SERPINB8: variants seen among roughly 807,000 people sequenced by gnomAD.
The protein encoded by SERPINB8 is serpin family B member 8, also known as serpin B8.
A neutral mutation model predicts 35.3 loss-of-function variants in SERPINB8; 25 were observed. That is an observed-to-expected ratio of 0.71 (90% CI 0.52 to 0.99). SERPINB8 has a LOEUF of 0.99. SERPINB8 is among the 50% of genes least tolerant of loss of function. The pLI, the probability that SERPINB8 is intolerant of heterozygous loss-of-function variation, is 0.00. For missense variants in SERPINB8, 484 were observed against 446.5 expected (o/e 1.08, Z -0.76); for synonymous variants, 186 against 160.8 (o/e 1.16, Z -1.19).
rs184658736 is a variant in SERPINB8, at chr18:63,981,685, C to T, written c.307-36C>T. 7.7e-6 allele frequency: 11 copies of T among 1,422,184 alleles called. No individual in the cohort carries two copies. The African/African-American group carries it at 1.3e-4, about 17-fold the overall frequency. 88.1% of individuals were successfully genotyped at this position (1,422,184 alleles called of 1,614,324 possible). Reference sequence around the variant, plus strand: ...GCTTTTGCATTTGTGGGAACCTTTACCAAATGAGACTAAACTCAGTGTTTT... The same window carrying T: ...GCTTTTGCATTTGTGGGAACCTTTATCAAATGAGACTAAACTCAGTGTTTT... On this transcript the variant is annotated intron_variant, in intron 3 of 6. Coordinates refer to ENST00000397985, the MANE Select transcript of SERPINB8 (RefSeq NM_002640.4).
At chr18:63,994,337 T>TTC (rs374249422), downstream of SERPINB8, among the ~76,000 whole-genome samples, 2,712 of 149,824 alleles carry the variant, frequency 0.018, 42 homozygotes, top group Non-Finnish European at 0.028. Context: ...CCCTCTCTCT[T>TTC]TCTCTCTCTC....
At chr18:64,006,561 G>T (rs1391582697), downstream of SERPINB8, among the ~76,000 whole-genome samples, 1 of 152,136 alleles carries the variant, frequency 6.6e-6, no homozygotes, top group Non-Finnish European at 1.5e-5. Flanking sequence ...ATTGCAAACT[G>T]CCAGCCTCAA....
At chr18:64,015,110 G>A (rs2050943599) in intron 7 of SERPINB8, among the ~76,000 whole-genome samples, 1 of 152,010 alleles carries the variant, frequency 6.6e-6, no homozygotes, top group South Asian at 2.1e-4. Flanking sequence ...AAGCATAATG[G>A]GCAAAAAGTT....
intron 1 of SERPINB8, among the ~76,000 whole-genome samples, chr18:64,003,365 G>A (rs2050884958): frequency 1.3e-5 from 2 of 152,150 alleles, no homozygotes; most frequent in South Asian, 2.1e-4. Context: ...CTCCAGGGTA[G>A]GGACTGGGGA....
In SERPINB8 at chr18:63,985,129, A is replaced by G. The variant is rs374716520; in HGVS notation, c.604A>G (p.Lys202Glu). The G allele has an allele frequency of 6.2e-7, 1 of 1,614,070 alleles. No homozygotes were observed. Among genetic ancestry groups the G allele is most frequent in the Non-Finnish European group, 8.5e-7 (1 of 1,180,032 alleles). The change falls in exon 6 of 7, where the codon AAG becomes GAG. Residue 202 changes from lysine to glutamate, a missense_variant. Physicochemically the swap from Lys to Glu is moderately conservative, Grantham distance 56. Coordinates refer to ENST00000397985, the MANE Select transcript of SERPINB8 (RefSeq NM_002640.4). ...KTVQMMFKEAKFKMGYADEVH... is the reference protein window; with the variant it reads ...KTVQMMFKEAEFKMGYADEVH... ...AGTGCAGATGATGTTTAAGGAAGCTAAGTTTAAAATGGGGTATGCGGATGA... is the reference window on the plus strand; with the variant it reads ...AGTGCAGATGATGTTTAAGGAAGCTGAGTTTAAAATGGGGTATGCGGATGA...
At chr18:63,992,835 C>T (rs1419618068), downstream of SERPINB8, among the ~76,000 whole-genome samples, 1 of 152,008 alleles carries the variant, frequency 6.6e-6, no homozygotes, top group Non-Finnish European at 1.5e-5. Context: ...AAAGAGATAG[C>T]AAAAAAAGTG....
intron 1 of SERPINB8, chr18:63,970,692 G>A (rs2050458481): frequency 6.6e-6 from 1 of 152,430 alleles, no homozygotes; most frequent in Admixed American, 6.5e-5. Flanking sequence ...GCCTGGGGCA[G>A]ATCGGGGAGG....
chr18:64,013,437 C>A (rs1047738349), intron 7 of SERPINB8, among the ~76,000 whole-genome samples: 1 of 152,136 alleles, frequency 6.6e-6, no homozygotes, highest in Non-Finnish European at 1.5e-5. Context: ...TGGTATGTTT[C>A]CTTTTCCATT....
intron 1 of SERPINB8, among the ~76,000 whole-genome samples, chr18:63,998,591 GTGAT>G (rs1713476775): frequency 6.6e-6 from 1 of 152,198 alleles, no homozygotes; most frequent in South Asian, 2.1e-4. Flanking sequence ...TTTGTGCTGT[GTGAT>G]TGATTGGGCT....
intron 1 of SERPINB8, among the ~76,000 whole-genome samples, chr18:63,976,784 G>T (rs76403319): frequency 1.3e-5 from 2 of 152,116 alleles, no homozygotes; most frequent in Non-Finnish European, 2.9e-5. Flanking sequence ...GTGCTCCCTC[G>T]ATGACAAGAT....
chr18:63,989,908 A>G (rs1436535903), downstream of SERPINB8, among the ~76,000 whole-genome samples: 2 of 117,672 alleles, frequency 1.7e-5, no homozygotes, highest in Non-Finnish European at 3.3e-5. Context: ...CCGCCACTGC[A>G]CTCCAGCCTG....
chr18:64,016,650 T>C (rs986665392), intron 7 of SERPINB8, among the ~76,000 whole-genome samples: 1 of 152,190 alleles, frequency 6.6e-6, no homozygotes, highest in South Asian at 2.1e-4. Flanking sequence ...TCAGAGAGTT[T>C]ATATGGCTTG....
At chr18:63,990,980 C>A (rs1203286485), downstream of SERPINB8, among the ~76,000 whole-genome samples, 2 of 152,186 alleles carry the variant, frequency 1.3e-5, no homozygotes, top group Non-Finnish European at 2.9e-5. Context: ...AAAATGCTAT[C>A]CATTTTCCAC....
chr18:64,018,812 G>C (rs991128331), intron 7 of SERPINB8: 2 of 152,124 alleles, frequency 1.3e-5, no homozygotes, highest in African/African-American at 4.8e-5. Context: ...TATTTTCCTG[G>C]TTCTTGCTAA....
At chr18:63,994,956 G>A (rs540807785) in intron 1 of SERPINB8, among the ~76,000 whole-genome samples, 66 of 152,204 alleles carry the variant, frequency 4.3e-4, no homozygotes, top group African/African-American at 1.6e-3. Context: ...TGCAGAAGCA[G>A]GGAGGCAAAG....
In SERPINB8 at chr18:63,984,249, G is replaced by T. The variant is rs530551587; in HGVS notation, c.567+528G>T. Among the ~76,000 whole-genome samples the T allele has an allele frequency of 3.3e-5, 5 of 152,280 alleles. No homozygotes were observed. The South Asian group carries it at 1.0e-3, about 32-fold the overall frequency. On this transcript the variant is annotated intron_variant, in intron 5 of 6. Coordinates refer to ENST00000397985, the MANE Select transcript of SERPINB8 (RefSeq NM_002640.4). ...TTGATAGTTTTGTTTTTCCATCTTT[G>T]ATCAAATCTACCTTCCATCTCTGGT...
chr18:64,011,123 G>A (rs567530916), intron 7 of SERPINB8, among the ~76,000 whole-genome samples: 1 of 152,086 alleles, frequency 6.6e-6, no homozygotes, highest in South Asian at 2.1e-4. Flanking sequence ...ATCAAACTAA[G>A]TGTAATTTCC....
At chr18:64,008,832 G>T (rs2050912583), downstream of SERPINB8, among the ~76,000 whole-genome samples, 1 of 152,164 alleles carries the variant, frequency 6.6e-6, no homozygotes, top group South Asian at 2.1e-4. Flanking sequence ...TCAAACTCCA[G>T]TCTTGCACTT....
At chr18:63,978,828 T>C (rs1307036176) in intron 2 of SERPINB8, among the ~76,000 whole-genome samples, 1 of 152,076 alleles carries the variant, frequency 6.6e-6, no homozygotes, top group African/African-American at 2.4e-5. Flanking sequence ...GCTAACATTA[T>C]ATTTTTAATA....
Sources: allele counts gnomAD v4.1 joint callset (sites outside exome capture counted in the v4.1 genomes callset), GRCh38; gene constraint gnomAD v4.1.1; transcripts MANE v1.5; gene names NCBI Gene and HGNC (gene_info 2026-07-23, HGNC 2026-07-21).